The following CHST8 variants were observed in gnomAD, a reference collection of about 807,000 sequenced individuals.
The protein encoded by CHST8 is GALNAC-4-ST1.
In CHST8, 10 loss-of-function variants were observed where a neutral mutation model predicts 15.0. The observed-to-expected ratio is 0.67, with a 90% CI of 0.41 to 1.13. The LOEUF (loss-of-function observed/expected upper bound fraction) is 1.13. Among genes scored for constraint, CHST8 ranks in the 50% most tolerant of loss-of-function variants. CHST8 has a pLI of 0.00. For missense variants in CHST8, 634 were observed against 608.2 expected (o/e 1.04, Z -0.45); for synonymous variants, 259 against 256.6 (o/e 1.01, Z -0.09).
chr19:33,678,761 G>T (rs1600256389), intron 2 of CHST8, among the ~76,000 whole-genome samples: 2 of 152,142 alleles, frequency 1.3e-5, no homozygotes, highest in South Asian at 2.1e-4. Context: ...AATAAAAAAA[G>T]ATATTGGAGG....
rs779991897 is a variant in CHST8 at position 33,773,094 on chromosome 19, C to T, written c.*31C>T. ...GCCGCAGCTGGCCGGGGCCGCCCTG[C>T]CCCGGTCACTCACCTGTGCTCCCGG... On this transcript the variant is annotated 3_prime_UTR_variant, in exon 5 of 5. Transcript: ENST00000650847. 1.3e-6 allele frequency: 2 copies of T among 1,554,090 alleles called. No individual in the cohort carries two copies. Among genetic ancestry groups the T allele is most frequent in the South Asian group, 1.2e-5 (1 of 83,784 alleles).
chr19:33,768,046 G>T (rs1422237585), intron 3 of CHST8, among the ~76,000 whole-genome samples: 1 of 152,198 alleles, frequency 6.6e-6, no homozygotes, highest in Non-Finnish European at 1.5e-5. Context: ...CCTGAGCGCT[G>T]ATGGAGCTGT....
intron 1 of CHST8, among the ~76,000 whole-genome samples, chr19:33,631,030 A>C (rs1972115120): frequency 6.6e-6 from 1 of 152,148 alleles, no homozygotes; most frequent in African/African-American, 2.4e-5. Context: ...TGTGCAATGC[A>C]GTCTGTCTAC....
rs116950191 is a variant in CHST8, at chr19:33,655,762, T to C, written c.-163-12005T>C. On this transcript the variant is annotated intron_variant, in intron 1 of 4. Transcript: ENST00000650847. ...TCTACTTATCTCTCTTTCTTATTAA[T>C]GTTGTTTTTTTTCTCTTTTCTTGGT... Among the ~76,000 whole-genome samples, 66 of 152,286 alleles carry C rather than the reference T, an allele frequency of 4.3e-4. No homozygotes were observed. The East Asian group carries it at 9.3e-3, about 21-fold the overall frequency.
chr19:33,689,394 G>A lies in CHST8; in HGVS notation c.130+3G>A. 6.3e-7 allele frequency: 1 copy of A among 1,586,544 alleles called. No homozygotes were observed. Among genetic ancestry groups the A allele is most frequent in the Non-Finnish European group, 8.5e-7 (1 of 1,169,892 alleles). ...GCTCGCCCCCCAGCAGGTGCCAGGT[G>A]AGTCCTTGCGCTGAGTCCTGCCATC... On this transcript the variant is annotated splice_donor_region_variant and intron_variant, in intron 3 of 4. Coordinates refer to ENST00000650847, the MANE Select transcript of CHST8 (RefSeq NM_001127895.2).
At chr19:33,700,043 C>G (rs764913863) in intron 3 of CHST8, among the ~76,000 whole-genome samples, 2 of 152,206 alleles carry the variant, frequency 1.3e-5, no homozygotes, top group Non-Finnish European at 2.9e-5. Flanking sequence ...AATATGTCTA[C>G]TGGCCCTCTC....
At chr19:33,733,952 T>A (rs1974038083) in intron 3 of CHST8, among the ~76,000 whole-genome samples, 1 of 152,182 alleles carries the variant, frequency 6.6e-6, no homozygotes, top group South Asian at 2.1e-4. Flanking sequence ...CCTCTCCCTG[T>A]GAGCAGACAG....
intron 1 of CHST8, among the ~76,000 whole-genome samples, chr19:33,626,711 G>GGTGC (rs1403452111): frequency 4.0e-4 from 60 of 151,848 alleles, no homozygotes; most frequent in African/African-American, 1.4e-3. Flanking sequence ...GCCCTCACCA[G>GGTGC]ATGCAAATGC....
intron 2 of CHST8, among the ~76,000 whole-genome samples, chr19:33,678,509 A>C (rs1007971735): frequency 6.6e-6 from 1 of 152,192 alleles, no homozygotes; most frequent in East Asian, 1.9e-4. Flanking sequence ...TGGGAGGCCA[A>C]GGTAAGAGGA....
chr19:33,627,545 A>G (rs1972071553), intron 1 of CHST8, among the ~76,000 whole-genome samples: 1 of 152,172 alleles, frequency 6.6e-6, no homozygotes, highest in Non-Finnish European at 1.5e-5. Context: ...CCTGGGTCTT[A>G]CATCCGCACT....
intron 3 of CHST8, among the ~76,000 whole-genome samples, chr19:33,708,838 T>G (rs145172216): frequency 2.0e-5 from 3 of 152,362 alleles, no homozygotes; most frequent in Non-Finnish European, 4.4e-5. Context: ...TTCTTAACAA[T>G]ATTGAATCTT....
chr19:33,669,872 G>GCAA (rs1294634954), intron 2 of CHST8, among the ~76,000 whole-genome samples: 1 of 152,212 alleles, frequency 6.6e-6, no homozygotes, highest in African/African-American at 2.4e-5. Context: ...TTGAGGAAAT[G>GCAA]CTGTTTTCTT....
chr19:33,688,159 G>A (rs1973021449), intron 2 of CHST8, among the ~76,000 whole-genome samples: 1 of 152,308 alleles, frequency 6.6e-6, no homozygotes, highest in Non-Finnish European at 1.5e-5. Flanking sequence ...CTCTCCCCCT[G>A]TACTCTGCCC....
intron 3 of CHST8, among the ~76,000 whole-genome samples, chr19:33,695,821 C>CTT (rs55695414): frequency 1.5e-3 from 115 of 76,196 alleles, no homozygotes; most frequent in Non-Finnish European, 1.9e-3. Context: ...TTCTTTCTTT[C>CTT]TTTTTTTTTT....
At chr19:33,670,778 G>C (rs1406142269) in intron 2 of CHST8, among the ~76,000 whole-genome samples, 1 of 152,132 alleles carries the variant, frequency 6.6e-6, no homozygotes, top group East Asian at 1.9e-4. Flanking sequence ...AGCATGTCGG[G>C]GGGCTCTGTT....
chr19:33,765,070 A>ATATATATATATATATATATGTATGTATG (rs71181381), intron 3 of CHST8, among the ~76,000 whole-genome samples: 1 of 113,156 alleles, frequency 8.8e-6, no homozygotes, highest in African/African-American at 4.2e-5. Context: ...ATATATATAT[A>ATATATATATATATATATATGTATGTATG]TATCAGAGTT....
intron 3 of CHST8, among the ~76,000 whole-genome samples, chr19:33,769,607 G>A (rs539380714): frequency 6.6e-6 from 1 of 152,104 alleles, no homozygotes; most frequent in African/African-American, 2.4e-5. Flanking sequence ...GGAAGAGGAG[G>A]GGGTGGCTGT....
intron 1 of CHST8, among the ~76,000 whole-genome samples, chr19:33,664,030 G>A (rs73589049): frequency 0.081 from 12,260 of 152,178 alleles, 1,289 homozygotes; most frequent in African/African-American, 0.25. Context: ...AAGCCACACT[G>A]TATGTCCTCT....
intron 3 of CHST8, among the ~76,000 whole-genome samples, chr19:33,757,516 AAGAAAG>A (rs1974608985): frequency 6.9e-5 from 3 of 43,424 alleles, no homozygotes; most frequent in African/African-American, 3.0e-4. Flanking sequence ...GAAAGAAAGA[AAGAAAG>A]AGAAAGAAAG....
Sources: gnomAD v4.1 joint callset for allele counts (sites outside exome capture counted in the v4.1 genomes callset) on GRCh38, gnomAD v4.1.1 for gene constraint, MANE v1.5 for transcripts, NCBI Gene and HGNC (gene_info 2026-07-23, HGNC 2026-07-21) for gene names.